Variants in ARID4A observed in about 807,000 individuals in gnomAD.
ARID4A encodes AT-rich interactive domain-containing protein 4A.
A neutral mutation model predicts 148.6 loss-of-function variants in ARID4A; 39 were observed. The observed-to-expected ratio is 0.26, with a 90% CI of 0.20 to 0.34. ARID4A has a LOEUF of 0.34. Ranked by LOEUF, ARID4A falls within the 10% of genes least tolerant of loss-of-function variation. ARID4A has a pLI of 1.00. For missense variants in ARID4A, 1,265 were observed against 1,449.1 expected (o/e 0.87, Z 2.06); for synonymous variants, 475 against 481.2 (o/e 0.99, Z 0.17).
intron 19 of ARID4A, among the ~76,000 whole-genome samples, chr14:58,362,262 A>G (rs1419008490): frequency 6.6e-6 from 1 of 151,828 alleles, no homozygotes; most frequent in Non-Finnish European, 1.5e-5. Context: ...CGTTTCCCCC[A>G]CTTTTCTACC....
intron 5 of ARID4A, among the ~76,000 whole-genome samples, chr14:58,310,387 T>G (rs1566670035): frequency 6.6e-6 from 1 of 152,098 alleles, no homozygotes; most frequent in African/African-American, 2.4e-5. Flanking sequence ...AAAGCTATAG[T>G]AATCAAAATA....
intron 2 of ARID4A, 71 bp downstream of exon 2, chr14:58,299,931 A>G: frequency 1.9e-6 from 3 of 1,601,104 alleles, no homozygotes; most frequent in Non-Finnish European, 2.6e-6. Context: ...GTGCCGTGGA[A>G]TGTCATTTGT....
chr14:58,313,559 G>A (rs1238188300), intron 5 of ARID4A, among the ~76,000 whole-genome samples: 5 of 152,156 alleles, frequency 3.3e-5, no homozygotes, highest in Non-Finnish European at 7.3e-5. Flanking sequence ...CCTGGGGGTT[G>A]CAGACCCCAG....
At chr14:58,330,339 T>C (rs1364026898) in intron 11 of ARID4A, among the ~76,000 whole-genome samples, 170 bp downstream of exon 11, 1 of 152,220 alleles carries the variant, frequency 6.6e-6, no homozygotes, top group African/African-American at 2.4e-5. Flanking sequence ...GCATAGTGTG[T>C]AAATCAGAAC....
rs769616969 is a variant in ARID4A at position 58,305,021 on chromosome 14, G to T, written c.183+12G>T. 1 of 1,580,400 alleles carries T rather than the reference G, an allele frequency of 6.3e-7. No homozygotes were observed. Among genetic ancestry groups the T allele is most frequent in the Non-Finnish European group, 8.6e-7 (1 of 1,164,626 alleles). On this transcript the variant is annotated intron_variant, in intron 4 of 23. Transcript: ENST00000355431. ...AGGGTCCTTTAAGAGTATGTATGTT[G>T]TACGGTTTAAAATCTGAAATAATCA...
chr14:58,355,050 A>G (rs2034811056), intron 17 of ARID4A, among the ~76,000 whole-genome samples: 1 of 152,226 alleles, frequency 6.6e-6, no homozygotes, highest in African/African-American at 2.4e-5. Flanking sequence ...TGAGTGCCAG[A>G]CTAGCTCTAA....
intron 15 of ARID4A, among the ~76,000 whole-genome samples, chr14:58,349,493 A>C (rs997082956): frequency 1.3e-4 from 20 of 150,880 alleles, no homozygotes; most frequent in South Asian, 4.2e-4. Context: ...AAAAATACAA[A>C]AAAAAAAAAA....
intron 3 of ARID4A, 106 bp from the exon 4 acceptor site, chr14:58,304,838 C>T: frequency 1.1e-6 from 1 of 944,606 alleles, no homozygotes; most frequent in South Asian, 1.5e-5. Context: ...GGGGTCACCA[C>T]ATGGTGCTAA....
At chr14:58,300,984 A>G (rs548224067) in intron 2 of ARID4A, among the ~76,000 whole-genome samples, 13 of 152,222 alleles carry the variant, frequency 8.5e-5, no homozygotes, top group Admixed American at 1.3e-4. Context: ...TAAGAAGATT[A>G]GTGTGGTAAA....
At chr14:58,359,504 G>T (rs1202107535) in intron 18 of ARID4A, among the ~76,000 whole-genome samples, 1 of 152,028 alleles carries the variant, frequency 6.6e-6, no homozygotes, top group Non-Finnish European at 1.5e-5. Flanking sequence ...TGTATATTCT[G>T]TAGGTTTTGA....
rs1177058863 is a variant in ARID4A at position 58,351,178 on chromosome 14, G to A, written c.1510G>A (p.Asp504Asn). ...KDNDTENKDVDDDYETAEKKE... is the reference protein window; with the variant it reads ...KDNDTENKDVNDDYETAEKKE... ...TAATGATACAGAAAATAAGGATGTA[G>A]ATGATGACTATGAAACTGCAGAGAA... Residue 504 changes from aspartate to asparagine, a missense_variant, in exon 16 of 24, where the codon GAT becomes AAT. Coordinates refer to ENST00000355431, the MANE Select transcript of ARID4A (RefSeq NM_002892.4). The A allele has an allele frequency of 1.2e-6, 2 of 1,612,898 alleles. No homozygotes were observed. Among genetic ancestry groups the A allele is most frequent in the African/African-American group, 2.7e-5 (2 of 74,918 alleles).
intron 19 of ARID4A, among the ~76,000 whole-genome samples, chr14:58,363,055 G>A (rs977308654): frequency 2.6e-5 from 4 of 152,292 alleles, no homozygotes; most frequent in Admixed American, 2.0e-4. Context: ...CCTCTTAGAA[G>A]GCATACCTGT....
At position 58,344,747 on chromosome 14, in the gene ARID4A, A is replaced by T. The variant is rs548211730; in HGVS notation, c.959A>T (p.Tyr320Phe). 1 of 1,612,796 alleles carries T rather than the reference A, an allele frequency of 6.2e-7. No homozygotes were observed. Residue 320 changes from tyrosine (Y) to phenylalanine (F), a missense_variant, in exon 12 of 24, where the codon TAT becomes TTT. Transcript: ENST00000355431. ...AGGGACAACTTCCTCCAGCAGCTTT[A>T]TAAGTTTATGGAAGACAGAGGTATT... The part of the protein sequence containing the change: ...EERDNFLQQL[Y>F]KFMEDRGTPI...
chr14:58,319,671 A>G (rs1048539334), intron 7 of ARID4A, among the ~76,000 whole-genome samples: 3 of 148,836 alleles, frequency 2.0e-5, no homozygotes, highest in Non-Finnish European at 4.5e-5. Context: ...CAGCCTCCTG[A>G]GTAGTTGGGA....
chr14:58,308,003 C>CA (rs10655729), intron 5 of ARID4A, among the ~76,000 whole-genome samples: 37 of 151,470 alleles, frequency 2.4e-4, no homozygotes, highest in African/African-American at 8.2e-4. Context: ...GTTGTACTCA[C>CA]TTTGAAGCTT....
chr14:58,328,681 G>T (rs2033350300), intron 9 of ARID4A, among the ~76,000 whole-genome samples: 1 of 151,810 alleles, frequency 6.6e-6, no homozygotes, highest in African/African-American at 2.4e-5. Flanking sequence ...CAATTATTTT[G>T]ACTTTTTTCA....
chr14:58,359,289 C>T lies in ARID4A; in HGVS notation c.1938+73C>T, dbSNP rs113782958. On this transcript the variant is annotated intron_variant, in intron 18 of 23. Transcript: ENST00000355431. ...AAATTGTATTGTGTGTTTTTTAAGACTTTAAGAACAGTTTTAGGTTTATAC... is the reference window on the plus strand; with the variant it reads ...AAATTGTATTGTGTGTTTTTTAAGATTTTAAGAACAGTTTTAGGTTTATAC... 1.6e-3 allele frequency: 2,209 copies of T among 1,418,722 alleles called. 36 individuals are homozygous for T. In the African/African-American group the frequency reaches 0.028, roughly 18 times the overall value. 87.9% of individuals were successfully genotyped at this position (1,418,722 alleles called of 1,614,324 possible). A position where few individuals can be genotyped will look rare whatever the true frequency, so the allele number is the denominator to read the frequency against.
In ARID4A at chr14:58,318,532, CTTA is replaced by C. The variant is rs752776992; in HGVS notation, c.275-5_275-3del. On this transcript the variant is annotated splice_polypyrimidine_tract_variant and splice_region_variant and intron_variant, in intron 5 of 23. Coordinates refer to ENST00000355431, the MANE Select transcript of ARID4A (RefSeq NM_002892.4). The stretch of plus-strand genomic sequence containing the variant: ...TGCATAAATTCTCTGTTATCTTTTG[CTTA>C]TTATAGTGTTTGATGATGGTGATGA... 3.7e-6 allele frequency: 6 copies of C among 1,613,198 alleles called. No homozygotes were observed. Among genetic ancestry groups the C allele is most frequent in the Non-Finnish European group, 1.7e-6 (2 of 1,179,378 alleles).
In ARID4A at chr14:58,314,759, C is replaced by G. The variant is rs1031050884; in HGVS notation, c.275-3783C>G. 2.6e-5 allele frequency among the ~76,000 whole-genome samples: 4 copies of G among 152,206 alleles called. 1 individual carries two copies. In the South Asian group the frequency reaches 8.3e-4, roughly 32 times the overall value. Reference sequence around the variant, plus strand: ...ATTGTTGGGTTTTCTATTTCTCTTTCAGAAAATCTTGCAAAATTACAAATT... The same window carrying G: ...ATTGTTGGGTTTTCTATTTCTCTTTGAGAAAATCTTGCAAAATTACAAATT... On this transcript the variant is annotated intron_variant, in intron 5 of 23. Coordinates refer to ENST00000355431, the MANE Select transcript of ARID4A (RefSeq NM_002892.4).
Sources: allele counts gnomAD v4.1 joint callset (sites outside exome capture counted in the v4.1 genomes callset), GRCh38; gene constraint gnomAD v4.1.1; transcripts MANE v1.5; gene names NCBI Gene and HGNC (gene_info 2026-07-23, HGNC 2026-07-21).